Variants in STARD13 observed in about 807,000 individuals in gnomAD.
STARD13 encodes the protein StAR related lipid transfer domain containing 13, also known as stAR-related lipid transfer protein 13.
In STARD13, 62 loss-of-function variants were observed where a neutral mutation model predicts 106.4. The ratio of observed to expected loss-of-function variants is 0.58; its 90% CI spans 0.48 to 0.72. The LOEUF (loss-of-function observed/expected upper bound fraction) is 0.72, where lower values mean the gene tolerates loss of function less well. STARD13 is among the 30% of genes least tolerant of loss of function. The probability of loss-of-function intolerance (pLI) is 0.00; values close to 1 mark genes in which losing one functional copy is unlikely to be tolerated. For synonymous variants in STARD13, 565 were observed against 553.0 expected (o/e 1.02, Z -0.31); for missense variants, 1,387 against 1,424.0 (o/e 0.97, Z 0.42).
At chr13:33,368,754 A>G in the STARD13 span, among the ~76,000 whole-genome samples, 2 of 152,146 alleles carry the variant, frequency 1.3e-5, no homozygotes. Context: ...TGCGGATATG[A>G]GGCAGGCCAA....
intron 1 of STARD13, among the ~76,000 whole-genome samples, chr13:33,324,537 T>A (rs1286864556): frequency 6.6e-6 from 1 of 152,204 alleles, no homozygotes; most frequent in Admixed American, 6.5e-5. Context: ...AGCTTCAAAG[T>A]CAAGGTAGCT....
chr13:33,498,291 T>A, the STARD13 span, among the ~76,000 whole-genome samples: 2 of 152,164 alleles, frequency 1.3e-5, no homozygotes, highest in African/African-American at 4.8e-5. Flanking sequence ...CAAAGTGTTA[T>A]CCCAATGTTG....
chr13:33,399,230 G>A, the STARD13 span, among the ~76,000 whole-genome samples: 3 of 151,984 alleles, frequency 2.0e-5, no homozygotes, highest in Non-Finnish European at 2.9e-5. Context: ...TGAAATAAGC[G>A]ACACATATAA....
chr13:33,240,790 A>G (rs1306041617), intron 1 of STARD13, among the ~76,000 whole-genome samples: 1 of 151,972 alleles, frequency 6.6e-6, no homozygotes, highest in Non-Finnish European at 1.5e-5. Flanking sequence ...AGGATCCTTA[A>G]GTTTATCCTT....
At chr13:33,605,813 C>G in the STARD13 span, among the ~76,000 whole-genome samples, 2 of 152,118 alleles carry the variant, frequency 1.3e-5, no homozygotes, top group Non-Finnish European at 2.9e-5. Context: ...CATAGTTCTA[C>G]TTCGGTAGTC....
intron 1 of STARD13, among the ~76,000 whole-genome samples, chr13:33,340,652 C>G (rs1426280046): frequency 6.6e-6 from 1 of 152,108 alleles, no homozygotes; most frequent in African/African-American, 2.4e-5. Context: ...AATGAAGCCT[C>G]TATTGTACAA....
At chr13:33,535,031 C>T in the STARD13 span, among the ~76,000 whole-genome samples, 1 of 152,004 alleles carries the variant, frequency 6.6e-6, no homozygotes, top group African/African-American at 2.4e-5. Context: ...GCCTGGCCAA[C>T]ATGGTGAAAC....
At chr13:33,531,850 AC>A in the STARD13 span, among the ~76,000 whole-genome samples, 1 of 152,158 alleles carries the variant, frequency 6.6e-6, no homozygotes, top group African/African-American at 2.4e-5. Flanking sequence ...ACAGACTATG[AC>A]AGAATTATAA....
At chr13:33,255,593 C>T (rs1282604842) in intron 1 of STARD13, among the ~76,000 whole-genome samples, 1 of 152,068 alleles carries the variant, frequency 6.6e-6, no homozygotes, top group Non-Finnish European at 1.5e-5. Context: ...TCTCTTCTTA[C>T]TACAAAGGCC....
the STARD13 span, among the ~76,000 whole-genome samples, chr13:33,466,914 G>T: frequency 6.6e-6 from 1 of 152,004 alleles, no homozygotes; most frequent in African/African-American, 2.4e-5. Context: ...ATTCAGAAGG[G>T]AAACACATAC....
the STARD13 span, among the ~76,000 whole-genome samples, chr13:33,381,215 C>A: frequency 1.3e-5 from 2 of 152,080 alleles, no homozygotes; most frequent in Non-Finnish European, 2.9e-5. Context: ...AACACTTTGA[C>A]CACTTTGGCA....
chr13:33,584,357 C>T, the STARD13 span, among the ~76,000 whole-genome samples: 1 of 152,062 alleles, frequency 6.6e-6, no homozygotes, highest in Non-Finnish European at 1.5e-5. Flanking sequence ...AAAGGAGGTG[C>T]CATGGCCAGA....
intron 3 of STARD13, among the ~76,000 whole-genome samples, chr13:33,163,217 C>T (rs1474620603): frequency 6.6e-6 from 1 of 152,008 alleles, no homozygotes; most frequent in Non-Finnish European, 1.5e-5. Flanking sequence ...GGGTCCCTCC[C>T]ATAACATGTG....
the STARD13 span, among the ~76,000 whole-genome samples, chr13:33,381,704 C>T: frequency 6.6e-6 from 1 of 152,040 alleles, no homozygotes; most frequent in Non-Finnish European, 1.5e-5. Context: ...TGTGCCACTG[C>T]ACTCCAGCCT....
At chr13:33,638,775 C>T in the STARD13 span, among the ~76,000 whole-genome samples, 1 of 152,148 alleles carries the variant, frequency 6.6e-6, no homozygotes, top group South Asian at 2.1e-4. Flanking sequence ...TTTGGATTAA[C>T]TTTGGAATGC....
chr13:33,422,833 A>G, the STARD13 span, among the ~76,000 whole-genome samples: 1 of 152,248 alleles, frequency 6.6e-6, no homozygotes, highest in Non-Finnish European at 1.5e-5. Context: ...TGACAAAAAC[A>G]AGAAATGGGG....
exon 1 of STARD13, chr13:33,350,501 C>T (rs1038375650): frequency 3.4e-6 from 5 of 1,462,590 alleles, no homozygotes; most frequent in Non-Finnish European, 4.5e-6. Flanking sequence ...CTGGAAAGGA[C>T]GGACGCGGCA....
At chr13:33,519,211 T>TCC in the STARD13 span, among the ~76,000 whole-genome samples, 3 of 34,044 alleles carry the variant, frequency 8.8e-5, no homozygotes, top group African/African-American at 4.8e-4. Flanking sequence ...GGTAATTTTT[T>TCC]CTTTCTTTCT....
At chr13:33,304,667 A>G (rs937611670) in intron 1 of STARD13, among the ~76,000 whole-genome samples, 3 of 152,178 alleles carry the variant, frequency 2.0e-5, no homozygotes, top group African/African-American at 7.2e-5. Flanking sequence ...TCTACCCTAA[A>G]TAATATAAAA....
Sources: gnomAD v4.1 joint callset for allele counts (sites outside exome capture counted in the v4.1 genomes callset) on GRCh38, gnomAD v4.1.1 for gene constraint, MANE v1.5 for transcripts, NCBI Gene and HGNC (gene_info 2026-07-23, HGNC 2026-07-21) for gene names.